The following SLC17A5 variants were observed in gnomAD, a reference collection of about 807,000 sequenced individuals.
SLC17A5 encodes solute carrier family 17 member 5, also known as sialin.
In SLC17A5, 47 loss-of-function variants were observed where a neutral mutation model predicts 59.4. That is an observed-to-expected ratio of 0.79 (90% CI 0.63 to 1.01). The LOEUF is 1.01. Ranked by LOEUF, SLC17A5 falls within the 50% of genes least tolerant of loss-of-function variation. SLC17A5 has a pLI of 0.00. For synonymous variants in SLC17A5, 202 were observed against 210.7 expected, an observed-to-expected ratio of 0.96 and a Z score of 0.36; for missense variants, 522 against 595.5, an observed-to-expected ratio of 0.88 and a Z score of 1.28.
At chr6:73,616,190 GTCTT>G (rs2150092527) in intron 7 of SLC17A5, among the ~76,000 whole-genome samples, 1 of 152,124 alleles carries the variant, frequency 6.6e-6, no homozygotes, top group East Asian at 1.9e-4. Context: ...GGCCTCATGA[GTCTT>G]TCTAATGACC....
At chr6:73,636,095 C>G (rs1424764824) in intron 5 of SLC17A5, among the ~76,000 whole-genome samples, 1 of 152,076 alleles carries the variant, frequency 6.6e-6, no homozygotes, top group African/African-American at 2.4e-5. Flanking sequence ...CCAGACAAAT[C>G]TTTTTGAAGA....
At chr6:73,625,712 T>C (rs1768378575) in intron 6 of SLC17A5, among the ~76,000 whole-genome samples, 1 of 152,194 alleles carries the variant, frequency 6.6e-6, no homozygotes, top group Non-Finnish European at 1.5e-5. Flanking sequence ...AAGGCTTCAC[T>C]GGTGATTCTA....
At chr6:73,653,196 T>A (rs1230205437) in intron 1 of SLC17A5, 1 of 985,336 alleles carries the variant, frequency 1.0e-6, no homozygotes, top group Non-Finnish European at 1.2e-6. Context: ...TATACAATAG[T>A]TGCCCTCTGC....
chr6:73,635,587 CCAA>C (rs1441921645), intron 5 of SLC17A5, 87 bp from the exon 6 acceptor site: 132 of 686,424 alleles, frequency 1.9e-4, no homozygotes, highest in Non-Finnish European at 2.9e-4. Context: ...TTAGAAAGCA[CCAA>C]CAACAATTTT....
At chr6:73,624,240 C>T (rs559364505) in intron 6 of SLC17A5, among the ~76,000 whole-genome samples, 1 of 151,802 alleles carries the variant, frequency 6.6e-6, no homozygotes, top group Non-Finnish European at 1.5e-5. Context: ...CCTGTCTCTA[C>T]TAAAAATACA....
chr6:73,609,679 A>T (rs1427999328), intron 9 of SLC17A5, among the ~76,000 whole-genome samples: 1 of 152,238 alleles, frequency 6.6e-6, no homozygotes, highest in Non-Finnish European at 1.5e-5. Flanking sequence ...GAACAGACAC[A>T]GTAATGAGTT....
chr6:73,626,976 T>C (rs1768448664), intron 6 of SLC17A5, among the ~76,000 whole-genome samples: 1 of 152,168 alleles, frequency 6.6e-6, no homozygotes, highest in Non-Finnish European at 1.5e-5. Context: ...TTCACTAAGT[T>C]GACCAGGCTG....
chr6:73,600,030 G>A (rs1174047683), intron 10 of SLC17A5, among the ~76,000 whole-genome samples: 1 of 151,960 alleles, frequency 6.6e-6, no homozygotes, highest in African/African-American at 2.4e-5. Flanking sequence ...TCCTGACCTC[G>A]TGATCCACCT....
chr6:73,641,774 C>T lies in SLC17A5; in HGVS notation c.442G>A (p.Val148Ile), dbSNP rs567382348. Residue 148 changes from valine (V) to isoleucine (I), a missense_variant, in exon 3 of 11, where the codon GTC (valine) becomes ATC (isoleucine). Coordinates refer to ENST00000355773, the MANE Select transcript of SLC17A5 (RefSeq NM_012434.5). Reference sequence around the variant, plus strand: ...GCAATGGGAGTGAACAGGGTGAGGACAGCAGTGCCAAGGATCCCAAATCCT... The same window carrying T: ...GCAATGGGAGTGAACAGGGTGAGGATAGCAGTGCCAAGGATCCCAAATCCT... ...LLGFGILGTA[V>I]LTLFTPIAAD... 3 of 1,614,154 alleles carry T rather than the reference C, an allele frequency of 1.9e-6. No homozygotes were observed. The highest frequency in any genetic ancestry group is 1.1e-5 in the South Asian group (1 of 91,090).
chr6:73,649,169 T>G (rs1311706315), intron 1 of SLC17A5, among the ~76,000 whole-genome samples: 1 of 152,072 alleles, frequency 6.6e-6, no homozygotes, highest in Non-Finnish European at 1.5e-5. Flanking sequence ...AGCTAATTTT[T>G]GTATTTTTGG....
chr6:73,599,238 G>T (rs1272921629), intron 10 of SLC17A5, among the ~76,000 whole-genome samples: 1 of 151,556 alleles, frequency 6.6e-6, no homozygotes, highest in African/African-American at 2.4e-5. Flanking sequence ...TTGAGACAGG[G>T]TCTCCCGCTC....
intron 3 of SLC17A5, 110 bp downstream of exon 3, chr6:73,641,580 TA>T: frequency 1.2e-6 from 1 of 805,156 alleles, no homozygotes; most frequent in Non-Finnish European, 2.0e-6. Flanking sequence ...AAACCCCTGT[TA>T]TCATCCAACG....
At chr6:73,604,731 A>G (rs1213279150) in intron 9 of SLC17A5, among the ~76,000 whole-genome samples, 1 of 152,178 alleles carries the variant, frequency 6.6e-6, no homozygotes, top group Non-Finnish European at 1.5e-5. Context: ...AGCCTGGGTG[A>G]CAGGGTGTGA....
intron 7 of SLC17A5, among the ~76,000 whole-genome samples, chr6:73,617,268 A>G (rs560386): frequency 0.38 from 57,063 of 151,212 alleles, 11,886 homozygotes; most frequent in African/African-American, 0.56. Context: ...TCAGTCCAGC[A>G]TGGGTGACAG....
intron 4 of SLC17A5, among the ~76,000 whole-genome samples, chr6:73,637,532 C>T (rs565326277): frequency 3.3e-5 from 5 of 152,146 alleles, no homozygotes; most frequent in Non-Finnish European, 7.3e-5. Flanking sequence ...TTCCTGTAGC[C>T]TGTAAGACCT....
chr6:73,612,966 T>A (rs1767696012), intron 8 of SLC17A5, among the ~76,000 whole-genome samples: 1 of 152,004 alleles, frequency 6.6e-6, no homozygotes, highest in Admixed American at 6.6e-5. Context: ...GGTGGGAGAA[T>A]TACTTGTGCC....
rs1239465453 is a variant in SLC17A5, at chr6:73,652,078, T to C, written c.94+1715A>G. On this transcript the variant is annotated intron_variant, in intron 1 of 10. Transcript: ENST00000355773. The stretch of plus-strand genomic sequence containing the variant: ...ATATGCTCCTTCTCTATAAAACTTA[T>C]CATATTCTAAATAGCAAAAACAGTA... Among the ~76,000 whole-genome samples, 5 of 152,172 alleles carry C rather than the reference T, an allele frequency of 3.3e-5. No homozygotes were observed. In the South Asian group the frequency reaches 1.0e-3, roughly 32 times the overall value.
At chr6:73,631,168 A>T (rs906430255) in intron 6 of SLC17A5, among the ~76,000 whole-genome samples, 1 of 151,622 alleles carries the variant, frequency 6.6e-6, no homozygotes, top group African/African-American at 2.4e-5. Context: ...CTCTATGAGC[A>T]TGCTGGAGCA....
At chr6:73,603,521 A>G (rs1051098703) in intron 9 of SLC17A5, among the ~76,000 whole-genome samples, 2 of 151,408 alleles carry the variant, frequency 1.3e-5, no homozygotes, top group African/African-American at 4.9e-5. Context: ...CCCCAGTTCA[A>G]GTGATTCTCC....
Sources: allele counts gnomAD v4.1 joint callset (sites outside exome capture counted in the v4.1 genomes callset), GRCh38; gene constraint gnomAD v4.1.1; transcripts MANE v1.5; gene names NCBI Gene and HGNC (gene_info 2026-07-23, HGNC 2026-07-21).